Variants in OR5P3 observed in about 807,000 individuals in gnomAD.
OR5P3 encodes olfactory receptor family 5 subfamily P member 3.
For synonymous variants in OR5P3, 172 were observed against 141.8 expected (o/e 1.21, Z -1.51); for missense variants, 415 against 375.6 (o/e 1.10, Z -0.87).
Position 7,825,467 on chromosome 11 carries a change from C to T in OR5P3, c.506G>A (p.Cys169Tyr). 6.2e-7 allele frequency: 1 copy of T among 1,613,268 alleles called. No individual in the cohort carries two copies. Among genetic ancestry groups the T allele is most frequent in the Non-Finnish European group, 8.5e-7 (1 of 1,180,032 alleles). ...FIGCLLRLSF[C>Y]GPNKVNHFFC... The stretch of plus-strand genomic sequence containing the variant: ...AAAGTGATTGACTTTATTTGGCCCA[C>T]AGAAGGACAGTCTTAATAAGCAGCC... The change falls in exon 2 of 2, where the codon TGT (cysteine) becomes TAT (tyrosine). Residue 169 changes from cysteine to tyrosine, a missense_variant. Transcript: ENST00000641167.
chr11:7,829,081 T>A lies in OR5P3; in HGVS notation c.-22+1743A>T, dbSNP rs1857779071. On this transcript the variant is annotated intron_variant, in intron 1 of 1. Coordinates refer to ENST00000641167, the MANE Select transcript of OR5P3 (RefSeq NM_153445.2). Reference sequence around the variant, plus strand: ...TTCATCATAAATATGAAAAAATATTTGAAAATATATATTTGTGTCTGTATT... The same window carrying A: ...TTCATCATAAATATGAAAAAATATTAGAAAATATATATTTGTGTCTGTATT... Among the ~76,000 whole-genome samples the A allele has an allele frequency of 2.6e-5, 4 of 152,240 alleles. No homozygotes were observed. In the South Asian group the frequency reaches 8.3e-4, roughly 32 times the overall value.
Position 7,825,387 on chromosome 11 carries a change from C to G in OR5P3, c.586G>C (p.Glu196Gln). The G allele has an allele frequency of 6.2e-7, 1 of 1,613,058 alleles. No homozygotes were observed. The highest frequency in any genetic ancestry group is 8.5e-7 in the Non-Finnish European group (1 of 1,180,002). Residue 196 changes from glutamate (E) to glutamine (Q), a missense_variant, in exon 2 of 2, where the codon GAA becomes CAA. Coordinates refer to ENST00000641167, the MANE Select transcript of OR5P3 (RefSeq NM_153445.2). ...CCAGAAGAGATAGCTGGAATTATTT[C>G]AAAAGTAAAATCATGGGAACAAGCA... is the stretch of plus-strand genomic sequence containing the variant. ...KLACSHDFTF[E>Q]IIPAISSGSI...
chr11:7,826,864 G>A (rs143932525), intron 1 of OR5P3, among the ~76,000 whole-genome samples: 232 of 152,274 alleles, frequency 1.5e-3, no homozygotes, highest in Non-Finnish European at 2.9e-3. Flanking sequence ...AGCCCTATCT[G>A]AATAGTTGCT....
chr11:7,824,877 T>C lies in OR5P3; in HGVS notation c.*160A>G, dbSNP rs926177939. ...AGGTAAAGCAAGATGGACTTCTAAT[T>C]TCCTATTCTATCTGAAAATCTTCCC... is the stretch of plus-strand genomic sequence containing the variant. On this transcript the variant is annotated 3_prime_UTR_variant, in exon 2 of 2. Coordinates refer to ENST00000641167, the MANE Select transcript of OR5P3 (RefSeq NM_153445.2). 4.7e-6 allele frequency: 2 copies of C among 428,268 alleles called. No homozygotes were observed. The highest frequency in any genetic ancestry group is 8.0e-5 in the Admixed American group (2 of 24,988). The allele number at this position is 428,268 out of a possible 1,614,324, so 26.5% of individuals were successfully genotyped here.
Position 7,830,205 on chromosome 11 carries a change from C to T in OR5P3, c.-22+619G>A, listed in dbSNP as rs1280657239. ...CTCTCACACACACACCACATGCATA[C>T]ACACACACACACTGGCATCAAAGTC... On this transcript the variant is annotated intron_variant, in intron 1 of 1. Coordinates refer to ENST00000641167, the MANE Select transcript of OR5P3 (RefSeq NM_153445.2). Among the ~76,000 whole-genome samples, 7 of 152,152 alleles carry T rather than the reference C, an allele frequency of 4.6e-5. No individual in the cohort carries two copies. In the South Asian group the frequency reaches 6.2e-4, roughly 13 times the overall value.
rs776847246 is a variant in OR5P3, at chr11:7,824,989, T to A, written c.*48A>T. The stretch of plus-strand genomic sequence containing the variant: ...CAAACACTCGGTGTCTTATTATTAT[T>A]ATATATAGAATATTAATATATCAGA... On this transcript the variant is annotated 3_prime_UTR_variant, in exon 2 of 2. Transcript: ENST00000641167. The A allele has an allele frequency of 6.6e-5, 89 of 1,354,392 alleles. No individual in the cohort carries two copies. The highest frequency in any genetic ancestry group is 8.6e-5 in the Non-Finnish European group (86 of 1,000,862). The allele number at this position is 1,354,392 out of a possible 1,614,324, so 83.9% of individuals were successfully genotyped here.
Position 7,825,984 on chromosome 11 carries a change from A to C in OR5P3, c.-12T>G. On this transcript the variant is annotated 5_prime_UTR_variant, in exon 2 of 2. Transcript: ENST00000641167. ...TTTCCAGTCCCCATCTATATTGGGA[A>C]TGGTGCCAACTGAAAGAAAAACAAA... The C allele has an allele frequency of 1.5e-6, 2 of 1,356,244 alleles. No individual in the cohort carries two copies. Among genetic ancestry groups the C allele is most frequent in the Non-Finnish European group, 2.0e-6 (2 of 983,038 alleles). 84.0% of individuals were successfully genotyped at this position (1,356,244 alleles called of 1,614,324 possible).
Position 7,825,227 on chromosome 11 carries a change from G to A in OR5P3, c.746C>T (p.Thr249Ile). The A allele has an allele frequency of 6.2e-7, 1 of 1,613,010 alleles. No homozygotes were observed. The highest frequency in any genetic ancestry group is 8.5e-7 in the Non-Finnish European group (1 of 1,180,022). The change falls in exon 2 of 2, where the codon ACT becomes ATT. Residue 249 changes from threonine to isoleucine, a missense_variant. By Grantham distance (89) the Thr-to-Ile change is moderately conservative (BLOSUM62 -1). Transcript: ENST00000641167. ...STCTSHLTAV[T>I]LFYGTITFIY... ...GAAGGTAATGGTCCCATAGAACAGA[G>A]TGACTGCAGTGAGGTGGGAGGTGCA...
chr11:7,824,879 C>G lies in OR5P3; in HGVS notation c.*158G>C. On this transcript the variant is annotated 3_prime_UTR_variant, in exon 2 of 2. Coordinates refer to ENST00000641167, the MANE Select transcript of OR5P3 (RefSeq NM_153445.2). ...GTAAAGCAAGATGGACTTCTAATTT[C>G]CTATTCTATCTGAAAATCTTCCCTC... 1 of 429,962 alleles carries G rather than the reference C, an allele frequency of 2.3e-6. No homozygotes were observed. Among genetic ancestry groups the G allele is most frequent in the Non-Finnish European group, 4.0e-6 (1 of 249,034 alleles). The allele number at this position is 429,962 out of a possible 1,614,324, so 26.6% of individuals were successfully genotyped here. A position where few individuals can be genotyped will look rare whatever the true frequency, so the allele number is the denominator to read the frequency against.
At chr11:7,829,762 GA>G (rs1236501136) in intron 1 of OR5P3, among the ~76,000 whole-genome samples, 2 of 151,814 alleles carry the variant, frequency 1.3e-5, no homozygotes, top group African/African-American at 2.4e-5. Context: ...TTAGAATTAA[GA>G]AAAAAGAGAA....
At chr11:7,830,582 C>T (rs1857799060) in intron 1 of OR5P3, among the ~76,000 whole-genome samples, 1 of 152,070 alleles carries the variant, frequency 6.6e-6, no homozygotes, top group Non-Finnish European at 1.5e-5. Flanking sequence ...CACCAGCAAT[C>T]TATGGAATCT....
chr11:7,829,158 T>C (rs1857780101), intron 1 of OR5P3, among the ~76,000 whole-genome samples: 1 of 152,098 alleles, frequency 6.6e-6, no homozygotes, highest in Non-Finnish European at 1.5e-5. Context: ...TAATAGAAGT[T>C]GGGATTACAG....
chr11:7,825,038 C>G lies in OR5P3; in HGVS notation c.935G>C (p.Ter312SerextTer1). The change falls in exon 2 of 2, where the codon TGA becomes TCA. Residue 312 changes from the stop codon to serine, a stop_lost. Transcript: ENST00000641167. ...GATTCTTCAAACTAACTAGTTTCAT[C>G]AAGAAAATATTTTTATTCTAAGCTC... ...KRELRIKIFS[*>S] The G allele has an allele frequency of 6.2e-7, 1 of 1,610,150 alleles. No homozygotes were observed. Among genetic ancestry groups the G allele is most frequent in the Non-Finnish European group, 8.5e-7 (1 of 1,178,056 alleles).
chr11:7,828,966 G>C (rs576449090), intron 1 of OR5P3, among the ~76,000 whole-genome samples: 14 of 152,234 alleles, frequency 9.2e-5, no homozygotes, highest in African/African-American at 2.9e-4. Context: ...TGTTTAAACT[G>C]AACGTGGAGA....
Position 7,825,901 on chromosome 11 carries a change from A to T in OR5P3, c.72T>A (p.Cys24Ter). The change falls in exon 2 of 2, where the codon TGT becomes TGA. Residue 24 changes from cysteine (C) to a stop codon, truncating the protein, a stop_gained. Coordinates refer to ENST00000641167, the MANE Select transcript of OR5P3 (RefSeq NM_153445.2). LOFTEE classifies it low-confidence loss of function (END_TRUNC). ...CTAGAAACACAAGAAATAAAATAGCACAAACTGTAGTATCCTCAGATAACC... is the reference window on the plus strand; with the variant it reads ...CTAGAAACACAAGAAATAAAATAGCTCAAACTGTAGTATCCTCAGATAACC... ...LLGLSEDTTV[C>*]AILFLVFLGI... The T allele has an allele frequency of 6.2e-7, 1 of 1,607,556 alleles. No individual in the cohort carries two copies. The highest frequency in any genetic ancestry group is 1.7e-5 in the Admixed American group (1 of 59,946).
chr11:7,825,814 A>T lies in OR5P3; in HGVS notation c.159T>A (p.His53Gln). ...AAATGTACATGGGTGTATGAAGATGATGACTTCTTCTGATCAATACAATTA... is the reference window on the plus strand; with the variant it reads ...AAATGTACATGGGTGTATGAAGATGTTGACTTCTTCTGATCAATACAATTA... ...ISIIVLIRRS[H>Q]HLHTPMYIFL... Residue 53 changes from histidine to glutamine, a missense_variant, in exon 2 of 2, where the codon CAT becomes CAA. Transcript: ENST00000641167. 6.2e-7 allele frequency: 1 copy of T among 1,613,200 alleles called. No individual in the cohort carries two copies. The highest frequency in any genetic ancestry group is 8.5e-7 in the Non-Finnish European group (1 of 1,179,984).
At chr11:7,828,576 T>G (rs527823603) in intron 1 of OR5P3, among the ~76,000 whole-genome samples, 26 of 152,002 alleles carry the variant, frequency 1.7e-4, no homozygotes, top group Admixed American at 1.6e-3. Flanking sequence ...TGACCTGGAG[T>G]GACTTAACAG....
In OR5P3 at chr11:7,825,884, A is replaced by T. The variant is rs1206290677; in HGVS notation, c.89T>A (p.Val30Glu). The stretch of plus-strand genomic sequence containing the variant: ...GGTGACAACATAAATTCCTAGAAAC[A>T]CAAGAAATAAAATAGCACAAACTGT... ...DTTVCAILFL[V>E]FLGIYVVTLM... The change falls in exon 2 of 2, where the codon GTG becomes GAG. Residue 30 changes from valine to glutamate, a missense_variant. Val to Glu is a moderately radical substitution (Grantham distance 121). Transcript: ENST00000641167. 1.9e-6 allele frequency: 3 copies of T among 1,609,662 alleles called. No individual in the cohort carries two copies. Among genetic ancestry groups the T allele is most frequent in the Non-Finnish European group, 2.5e-6 (3 of 1,177,082 alleles).
Position 7,825,280 on chromosome 11 carries a change from G to T in OR5P3, c.693C>A (p.Thr231=), listed in dbSNP as rs776145855. Residue 231 remains threonine (T), a synonymous_variant, in exon 2 of 2, where the codon ACC becomes ACA. Coordinates refer to ENST00000641167, the MANE Select transcript of OR5P3 (RefSeq NM_153445.2). The stretch of plus-strand genomic sequence containing the variant: ...TGGAGAAGGCCTTGTGGCGGCCCTT[G>T]GTGGAGTGCATCTTCAGGATGGTGA... The part of the protein sequence containing the change: ...ILITILKMHS[T]KGRHKAFSTC... The T allele has an allele frequency of 3.1e-6, 5 of 1,613,038 alleles. No homozygotes were observed. Among genetic ancestry groups the T allele is most frequent in the Admixed American group, 1.7e-5 (1 of 59,962 alleles).
Sources: allele counts gnomAD v4.1 joint callset (sites outside exome capture counted in the v4.1 genomes callset), GRCh38; gene constraint gnomAD v4.1.1; transcripts MANE v1.5; gene names NCBI Gene and HGNC (gene_info 2026-07-23, HGNC 2026-07-21).